The following ACSBG2 variants were observed in gnomAD, a reference collection of about 807,000 sequenced individuals.
ACSBG2 encodes the protein long-chain-fatty-acid--CoA ligase ACSBG2.
In ACSBG2, 62 loss-of-function variants were observed where a neutral mutation model predicts 74.7. The observed-to-expected ratio is 0.83, with a 90% confidence interval of 0.68 to 1.03. The LOEUF (loss-of-function observed/expected upper bound fraction) is 1.03. Ranked by LOEUF, ACSBG2 falls within the 50% of genes least tolerant of loss-of-function variation. ACSBG2 has a pLI of 0.00. For missense variants in ACSBG2, 730 were observed against 817.6 expected (o/e 0.89, Z 1.31); for synonymous variants, 309 against 294.1 (o/e 1.05, Z -0.52).
Position 6,180,259 on chromosome 19 carries a change from C to T in ACSBG2, c.907-2492C>T, listed in dbSNP as rs1473543741. 6.6e-6 allele frequency among the ~76,000 whole-genome samples: 1 copy of T among 152,120 alleles called. No homozygotes were observed. Among genetic ancestry groups the T allele is most frequent in the Admixed American group, 6.5e-5 (1 of 15,276 alleles). On this transcript the variant is annotated intron_variant, in intron 8 of 14. Transcript: ENST00000588485. The surrounding 1 kb of genome is among the most constrained non-coding windows in gnomAD (Gnocchi z 4.3). Reference sequence around the variant, plus strand: ...TATTCACAGGTCCCAGGAGTTAGAACGTGGACATCTTTAGGGGGCCATTAT... The same window carrying T: ...TATTCACAGGTCCCAGGAGTTAGAATGTGGACATCTTTAGGGGGCCATTAT...
rs184537124 is a variant in ACSBG2, at chr19:6,186,587, C to T, written c.1541-696C>T. ...ATAAAAAGCAAAACTGTTGACTCAA[C>T]GTAACTGAAAAGGTCAGTTGGCCAA... On this transcript the variant is annotated intron_variant, in intron 11 of 14. Transcript: ENST00000588485. 2.5e-4 allele frequency among the ~76,000 whole-genome samples: 38 copies of T among 152,268 alleles called. No individual in the cohort carries two copies. The East Asian group carries it at 5.0e-3, about 20-fold the overall frequency.
rs762953267 is a variant in ACSBG2, at chr19:6,185,617, G to A, written c.1504G>A (p.Gly502Ser). 19 of 1,614,044 alleles carry A rather than the reference G, an allele frequency of 1.2e-5. No homozygotes were observed. Among genetic ancestry groups the A allele is most frequent in the East Asian group, 4.5e-5 (2 of 44,900 alleles). ...LHSGDLGQLD[G>S]LGFLYVTGHI... ...CTCTGGGGATCTGGGCCAGCTGGAC[G>A]GTCTGGGTTTCCTCTATGTCACCGG... Residue 502 changes from glycine to serine, a missense_variant, in exon 11 of 15, where the codon GGT (glycine) becomes AGT (serine). Physicochemically the swap from Gly to Ser is moderately conservative, Grantham distance 56. Transcript: ENST00000588485.
In ACSBG2 at chr19:6,165,869, G is replaced by A. The variant is rs1319460535; in HGVS notation, c.592G>A (p.Asp198Asn). The A allele has an allele frequency of 9.9e-6, 16 of 1,613,918 alleles. No individual in the cohort carries two copies. Among genetic ancestry groups the A allele is most frequent in the Non-Finnish European group, 1.4e-5 (16 of 1,179,954 alleles). The change falls in exon 7 of 15, where the codon GAT (aspartate) becomes AAT (asparagine). Residue 198 changes from aspartate to asparagine, a missense_variant. By Grantham distance (23) the Asp-to-Asn change is conservative (BLOSUM62 1). Transcript: ENST00000588485. ...MKKNNNLYSW[D>N]DFMELGRSIP... ...CGCTTGTCTTTTCTGTCCACAGTGG[G>A]ATGATTTCATGGAACTTGGCAGAAG...
Position 6,187,276 on chromosome 19 carries a change from G to T in ACSBG2, c.1541-7G>T, listed in dbSNP as rs1346230565. On this transcript the variant is annotated splice_polypyrimidine_tract_variant and splice_region_variant and intron_variant, in intron 11 of 14. Coordinates refer to ENST00000588485, the MANE Select transcript of ACSBG2 (RefSeq NM_030924.5). Reference sequence around the variant, plus strand: ...CTGGACATGTACCAAGCCAAGCTCTGTTCCAGAAATCCTTATCACTGCTGG... The same window carrying T: ...CTGGACATGTACCAAGCCAAGCTCTTTTCCAGAAATCCTTATCACTGCTGG... 1.9e-6 allele frequency: 3 copies of T among 1,613,980 alleles called. No individual in the cohort carries two copies. Among genetic ancestry groups the T allele is most frequent in the African/African-American group, 2.7e-5 (2 of 74,912 alleles).
intron 1 of ACSBG2, among the ~76,000 whole-genome samples, chr19:6,137,613 T>C (rs375620525): frequency 2.0e-5 from 3 of 151,958 alleles, no homozygotes; most frequent in Non-Finnish European, 4.4e-5. Flanking sequence ...TTCACTTTTT[T>C]ATTTTTATTT....
intron 1 of ACSBG2, among the ~76,000 whole-genome samples, chr19:6,139,051 G>A (rs1239884241): frequency 6.6e-6 from 1 of 151,770 alleles, no homozygotes. Flanking sequence ...AACTCCGTAG[G>A]CTCATTCAAG....
chr19:6,163,385 G>A lies in ACSBG2; in HGVS notation c.588+2090G>A, dbSNP rs545700112. Among the ~76,000 whole-genome samples, 8 of 85,644 alleles carry A rather than the reference G, an allele frequency of 9.3e-5. 3 individuals are homozygous for A. The East Asian group carries it at 3.3e-3, about 36-fold the overall frequency. 56.2% of individuals were successfully genotyped at this position (85,644 alleles called of 152,430 possible). A position where few individuals can be genotyped will look rare whatever the true frequency, so the allele number is the denominator to read the frequency against. ...GAATCACTTGAACCCGGGAAGCGGAGGTTGCAGTGAGCCGAGATAGTGCCA... is the reference window on the plus strand; with the variant it reads ...GAATCACTTGAACCCGGGAAGCGGAAGTTGCAGTGAGCCGAGATAGTGCCA... On this transcript the variant is annotated intron_variant, in intron 6 of 14. Coordinates refer to ENST00000588485, the MANE Select transcript of ACSBG2 (RefSeq NM_030924.5).
chr19:6,160,403 AAG>A lies in ACSBG2; in HGVS notation c.508-810_508-809del, dbSNP rs1262632707. Among the ~76,000 whole-genome samples the A allele has an allele frequency of 3.5e-4, 52 of 149,552 alleles. 6 individuals carry two copies. Among genetic ancestry groups the A allele is most frequent in the African/African-American group, 6.4e-4 (26 of 40,392 alleles). On this transcript the variant is annotated intron_variant, in intron 5 of 14. Transcript: ENST00000588485. ...AGACTCCGTCTCAAAAAAAAAAAAA[AAG>A]AAAGAAAGAAAAGAAAAAAGAATCC...
At position 6,180,821 on chromosome 19, in the gene ACSBG2, C is replaced by A. The variant is rs371109475; in HGVS notation, c.907-1930C>A. 7.9e-5 allele frequency among the ~76,000 whole-genome samples: 12 copies of A among 152,162 alleles called. No homozygotes were observed. The East Asian group carries it at 2.3e-3, about 29-fold the overall frequency. On this transcript the variant is annotated intron_variant, in intron 8 of 14. Coordinates refer to ENST00000588485, the MANE Select transcript of ACSBG2 (RefSeq NM_030924.5). This position sits in a 1 kb window ranked among gnomAD's most constrained non-coding sequence, Gnocchi z 4.3. ...ATGTGTTTATTGACCATTTACATAT[C>A]TTCTTTGGAAAAAGAAATCTGTTCA...
rs941443824 is a variant in ACSBG2 at position 6,165,822 on chromosome 19, T to C, written c.589-44T>C. On this transcript the variant is annotated intron_variant, in intron 6 of 14. Transcript: ENST00000588485. ...ACGAGGTCTGGCTGGGTGAGAGGAC[T>C]CCCGACTGCCTTCTCATCCTCCGCT... The C allele has an allele frequency of 1.9e-6, 3 of 1,609,308 alleles. No individual in the cohort carries two copies. In the African/African-American group the frequency reaches 4.0e-5, roughly 21 times the overall value.
intron 3 of ACSBG2, 117 bp downstream of exon 3, chr19:6,147,792 G>A (rs935994859): frequency 2.1e-5 from 23 of 1,106,182 alleles, no homozygotes; most frequent in Middle Eastern, 2.1e-4. Flanking sequence ...GTTAATTGGC[G>A]AAAATTTCCC....
intron 5 of ACSBG2, 115 bp from the exon 6 acceptor site, chr19:6,161,099 CA>C (rs56273613): frequency 0.018 from 10,383 of 562,304 alleles, no homozygotes; most frequent in South Asian, 0.027. Flanking sequence ...GACTGTGTCT[CA>C]AAAAAAAAAA....
intron 3 of ACSBG2, among the ~76,000 whole-genome samples, chr19:6,149,350 C>T (rs577806593): frequency 2.6e-5 from 4 of 152,200 alleles, no homozygotes; most frequent in East Asian, 1.9e-4. Flanking sequence ...CATTGCCAGC[C>T]GTGATCCCGT....
In ACSBG2 at chr19:6,185,550, G is replaced by A. The variant is rs1394350633; in HGVS notation, c.1437G>A (p.Glu479=). The change falls in exon 11 of 15, where the codon GAG becomes GAA. Residue 479 remains glutamate (E), a synonymous_variant. Coordinates refer to ENST00000588485, the MANE Select transcript of ACSBG2 (RefSeq NM_030924.5). ...TCTTCATGGGCTATCTGGAAAGTGAGACTGAAACTACAGAGGCCATCGATG... is the reference window on the plus strand; with the variant it reads ...TCTTCATGGGCTATCTGGAAAGTGAAACTGAAACTACAGAGGCCATCGATG... The part of the protein sequence containing the change: ...RHIFMGYLES[E]TETTEAIDDE... The A allele has an allele frequency of 7.4e-6, 12 of 1,614,192 alleles. No homozygotes were observed. The highest frequency in any genetic ancestry group is 1.0e-5 in the Non-Finnish European group (12 of 1,180,038).
At chr19:6,178,327 C>A (rs1472254367) in intron 8 of ACSBG2, among the ~76,000 whole-genome samples, 2 of 152,040 alleles carry the variant, frequency 1.3e-5, no homozygotes, top group African/African-American at 4.8e-5. Context: ...TCCATCTGAT[C>A]TGTCACATGC....
chr19:6,143,420 A>C (rs542439890), intron 2 of ACSBG2, among the ~76,000 whole-genome samples: 1 of 151,648 alleles, frequency 6.6e-6, no homozygotes, highest in Non-Finnish European at 1.5e-5. Context: ...AAAAACAAAC[A>C]CCAGTCATTG....
At chr19:6,150,920 C>A (rs2089215041) in intron 3 of ACSBG2, among the ~76,000 whole-genome samples, 1 of 151,768 alleles carries the variant, frequency 6.6e-6, no homozygotes. Flanking sequence ...TCGAGACCAG[C>A]CTGGCCAACA....
At chr19:6,189,213 A>G (rs1168870736) in intron 13 of ACSBG2, among the ~76,000 whole-genome samples, 2 of 152,128 alleles carry the variant, frequency 1.3e-5, no homozygotes, top group Non-Finnish European at 2.9e-5. Flanking sequence ...GTGGCTTGCC[A>G]TCGTCCTTAA....
rs2145261358 is a variant in ACSBG2 at position 6,185,645 on chromosome 19, A to G, written c.1532A>G (p.His511Arg). Residue 511 changes from histidine to arginine, a missense_variant, in exon 11 of 15, where the codon CAC becomes CGC. His to Arg is a conservative substitution (Grantham distance 29). Coordinates refer to ENST00000588485, the MANE Select transcript of ACSBG2 (RefSeq NM_030924.5). ...DGLGFLYVTG[H>R]IKEILITAGG... is the part of the protein sequence containing the mutation. ...CTGGGTTTCCTCTATGTCACCGGCCACATCAAAGGTACCAGGGGCTGAGCT... is the reference window on the plus strand; with the variant it reads ...CTGGGTTTCCTCTATGTCACCGGCCGCATCAAAGGTACCAGGGGCTGAGCT... 1 of 1,614,172 alleles carries G rather than the reference A, an allele frequency of 6.2e-7. No individual in the cohort carries two copies. Among genetic ancestry groups the G allele is most frequent in the African/African-American group, 1.3e-5 (1 of 75,056 alleles).
Sources: allele counts gnomAD v4.1 joint callset (sites outside exome capture counted in the v4.1 genomes callset), GRCh38; gene constraint gnomAD v4.1.1; non-coding constraint Gnocchi (gnomAD v3.1); transcripts MANE v1.5; gene names NCBI Gene and HGNC (gene_info 2026-07-23, HGNC 2026-07-21).